Variants in CCDC85C observed in about 807,000 individuals in gnomAD.
CCDC85C encodes coiled-coil domain-containing protein 85C.
In CCDC85C, 18 loss-of-function variants were observed where a neutral mutation model predicts 38.3. The observed-to-expected ratio is 0.47, with a 90% CI of 0.33 to 0.70. The LOEUF is 0.70. CCDC85C is among the 30% of genes least tolerant of loss of function. The pLI is 0.03. For synonymous variants in CCDC85C, 264 were observed against 293.8 expected, an observed-to-expected ratio of 0.90 and a Z score of 1.04; for missense variants, 566 against 621.2, an observed-to-expected ratio of 0.91 and a Z score of 0.94.
At chr14:99,590,238 T>C (rs1169640520) in intron 1 of CCDC85C, among the ~76,000 whole-genome samples, 1 of 151,950 alleles carries the variant, frequency 6.6e-6, no homozygotes, top group East Asian at 1.9e-4. Context: ...TCTTGGGGAC[T>C]ACCCTCCAGG....
Position 99,522,398 on chromosome 14 carries a change from C to T in CCDC85C, c.868-158G>A, listed in dbSNP as rs543160342. On this transcript the variant is annotated intron_variant, in intron 2 of 5. Transcript: ENST00000380243. ...CACACCGCTTATCCATCCCCCGAGCCGGGATCAATCGATCTTCACTCTCCC... is the reference window on the plus strand; with the variant it reads ...CACACCGCTTATCCATCCCCCGAGCTGGGATCAATCGATCTTCACTCTCCC... 2.9e-4 allele frequency: 162 copies of T among 558,750 alleles called. No homozygotes were observed. In the South Asian group the frequency reaches 3.5e-3, roughly 12 times the overall value. The allele number at this position is 558,750 out of a possible 1,614,324, so 34.6% of individuals were successfully genotyped here.
At position 99,572,502 on chromosome 14, in the gene CCDC85C, T is replaced by A. The variant is rs2139964014; in HGVS notation, c.793+30665A>T. On this transcript the variant is annotated intron_variant, in intron 1 of 5. Transcript: ENST00000380243. This position sits in a 1 kb window ranked among gnomAD's most constrained non-coding sequence, Gnocchi z 4.4. Reference sequence around the variant, plus strand: ...TATCACACCTCCGCCAGGCTTTAGATAAAATCCCAACCCCAATAGCTCCTC... The same window carrying A: ...TATCACACCTCCGCCAGGCTTTAGAAAAAATCCCAACCCCAATAGCTCCTC... 6.6e-6 allele frequency among the ~76,000 whole-genome samples: 1 copy of A among 151,066 alleles called. No individual in the cohort carries two copies. The highest frequency in any genetic ancestry group is 2.1e-4 in the South Asian group (1 of 4,786).
chr14:99,568,159 C>T (rs906298949), intron 1 of CCDC85C, among the ~76,000 whole-genome samples: 15 of 152,088 alleles, frequency 9.9e-5, no homozygotes, highest in Admixed American at 5.2e-4. Flanking sequence ...CTAGCAGCCC[C>T]AGGCCCCGTA....
chr14:99,522,217 G>T lies in CCDC85C; in HGVS notation c.891C>A (p.Arg297=). The change falls in exon 3 of 6, where the codon CGC becomes CGA. Residue 297 remains arginine (R), a synonymous_variant. Coordinates refer to ENST00000380243, the MANE Select transcript of CCDC85C (RefSeq NM_001144995.2). ...LAQQAGSGEF[R]TLRKGFSPYH... The stretch of plus-strand genomic sequence containing the variant: ...AGGGCGAGAAGCCTTTCCGCAGCGT[G>T]CGGAACTCTCCGGAGCCTGCCTGCT... The T allele has an allele frequency of 6.5e-7, 1 of 1,550,000 alleles. No individual in the cohort carries two copies. Among genetic ancestry groups the T allele is most frequent in the Non-Finnish European group, 8.7e-7 (1 of 1,146,834 alleles).
At chr14:99,519,920 G>A (rs558290136) in intron 3 of CCDC85C, among the ~76,000 whole-genome samples, 1 of 152,344 alleles carries the variant, frequency 6.6e-6, no homozygotes, top group African/African-American at 2.4e-5. Context: ...GGACGGGAGT[G>A]ACGGCCGATG....
chr14:99,571,586 G>A (rs1898344998), intron 1 of CCDC85C, among the ~76,000 whole-genome samples: 1 of 152,182 alleles, frequency 6.6e-6, no homozygotes, highest in African/African-American at 2.4e-5. Flanking sequence ...CTCCACCACT[G>A]GAAAGATCAA....
chr14:99,599,053 T>C (rs61193337), intron 1 of CCDC85C, among the ~76,000 whole-genome samples: 3,555 of 152,248 alleles, frequency 0.023, 128 homozygotes, highest in African/African-American at 0.081. Flanking sequence ...CTGACCTTTG[T>C]TCCTGAGCTT....
intron 2 of CCDC85C, among the ~76,000 whole-genome samples, chr14:99,525,325 G>A (rs918294492): frequency 2.6e-5 from 4 of 152,154 alleles, no homozygotes; most frequent in African/African-American, 9.6e-5. Flanking sequence ...AAGCTGCAGG[G>A]GGCCTATGTG....
chr14:99,532,960 T>G (rs934460223), intron 2 of CCDC85C, among the ~76,000 whole-genome samples: 3 of 152,108 alleles, frequency 2.0e-5, no homozygotes, highest in African/African-American at 7.2e-5. Context: ...TTTTGTATTT[T>G]TAGTAGAGAC....
At chr14:99,581,886 G>C (rs549144221) in intron 1 of CCDC85C, among the ~76,000 whole-genome samples, 2 of 152,302 alleles carry the variant, frequency 1.3e-5, no homozygotes, top group South Asian at 4.1e-4. Context: ...GTCTTCCCAT[G>C]ACTGACCATT....
intron 1 of CCDC85C, among the ~76,000 whole-genome samples, chr14:99,577,226 C>T (rs566430942): frequency 6.6e-6 from 1 of 152,026 alleles, no homozygotes; most frequent in South Asian, 2.1e-4. Flanking sequence ...AATAGGCAAC[C>T]ATATCACTAC....
chr14:99,573,531 G>A (rs1898404451), intron 1 of CCDC85C, among the ~76,000 whole-genome samples: 3 of 152,232 alleles, frequency 2.0e-5, no homozygotes, highest in Admixed American at 2.0e-4. Flanking sequence ...CCCCATGGAG[G>A]TGCTGGCTAT....
intron 1 of CCDC85C, among the ~76,000 whole-genome samples, chr14:99,538,232 C>A (rs1897643754): frequency 6.6e-6 from 1 of 151,874 alleles, no homozygotes; most frequent in South Asian, 2.1e-4. Flanking sequence ...AGCCTTCCAG[C>A]CCCTCTCCCC....
chr14:99,562,296 C>CT (rs1479239143), intron 1 of CCDC85C, among the ~76,000 whole-genome samples: 1 of 152,192 alleles, frequency 6.6e-6, no homozygotes, highest in Non-Finnish European at 1.5e-5. Flanking sequence ...GCTCCTGCCC[C>CT]TCCCTCCTCT....
At chr14:99,550,804 C>T (rs1173115208) in intron 1 of CCDC85C, among the ~76,000 whole-genome samples, 2 of 152,196 alleles carry the variant, frequency 1.3e-5, no homozygotes, top group Admixed American at 6.5e-5. Flanking sequence ...GCACGCTGCC[C>T]TCTGAGCCGA....
chr14:99,504,143 T>C lies in CCDC85C; in HGVS notation c.*11103A>G. ...ATGTCTAGAACCCAAAGTTAGTTCA[T>C]GTCAATATTGGAAATAAACAGAAGG... On this transcript the variant is annotated 3_prime_UTR_variant, in exon 6 of 6. Coordinates refer to ENST00000380243, the MANE Select transcript of CCDC85C (RefSeq NM_001144995.2). The C allele has an allele frequency of 3.4e-6, 1 of 294,330 alleles. No individual in the cohort carries two copies. The highest frequency in any genetic ancestry group is 6.9e-6 in the Non-Finnish European group (1 of 144,272). 18.2% of individuals were successfully genotyped at this position (294,330 alleles called of 1,614,324 possible). A position where few individuals can be genotyped will look rare whatever the true frequency, so the allele number is the denominator to read the frequency against.
chr14:99,534,614 G>T (rs946198542), intron 2 of CCDC85C: 12 of 702,130 alleles, frequency 1.7e-5, no homozygotes, highest in Non-Finnish European at 2.9e-5. Context: ...CTTCTCCAAA[G>T]CAAAGGTCCC....
chr14:99,560,890 G>A (rs181386943), intron 1 of CCDC85C, among the ~76,000 whole-genome samples: 6 of 152,194 alleles, frequency 3.9e-5, no homozygotes, highest in Admixed American at 1.3e-4. Flanking sequence ...GGAGAGGGAC[G>A]GGCCTCCTCA....
chr14:99,501,008 C>T lies in CCDC85C; in HGVS notation c.*14238G>A, dbSNP rs899534691. On this transcript the variant is annotated 3_prime_UTR_variant, in exon 6 of 6. Coordinates refer to ENST00000380243, the MANE Select transcript of CCDC85C (RefSeq NM_001144995.2). ...ATACCAAGGGCATGGCTTGCTCAGT[C>T]AATTCAGCATTGCAGCTGCTAATGC... 10 of 650,666 alleles carry T rather than the reference C, an allele frequency of 1.5e-5. No homozygotes were observed. The highest frequency in any genetic ancestry group is 2.7e-5 in the Non-Finnish European group (10 of 368,406). The allele number at this position is 650,666 out of a possible 1,614,324, so 40.3% of individuals were successfully genotyped here.
Sources: gnomAD v4.1 joint callset for allele counts (sites outside exome capture counted in the v4.1 genomes callset) on GRCh38, gnomAD v4.1.1 for gene constraint, Gnocchi (gnomAD v3.1) non-coding constraint, MANE v1.5 for transcripts, NCBI Gene and HGNC (gene_info 2026-07-23, HGNC 2026-07-21) for gene names.